The following CNTN5 variants were observed in gnomAD, a reference collection of about 807,000 sequenced individuals.
CNTN5 encodes the protein contactin 5, also known as contactin-5.
Under a neutral mutation model 129.1 loss-of-function variants are expected in CNTN5, and 77 were observed. The observed-to-expected ratio is 0.60, with a 90% CI of 0.50 to 0.72. The LOEUF (loss-of-function observed/expected upper bound fraction) is 0.72, where lower values mean the gene tolerates loss of function less well. Ranked by LOEUF, CNTN5 falls within the 30% of genes least tolerant of loss-of-function variation. The pLI is 0.00. For missense variants in CNTN5, 1,478 were observed against 1,328.8 expected (o/e 1.11, Z -1.75); for synonymous variants, 509 against 465.6 (o/e 1.09, Z -1.20).
chr11:100,157,119 T>G (rs2138339372), intron 13 of CNTN5, among the ~76,000 whole-genome samples: 1 of 152,090 alleles, frequency 6.6e-6, no homozygotes, highest in East Asian at 1.9e-4. Flanking sequence ...TGCTTTCTTT[T>G]TATCACTTTT....
chr11:99,628,029 G>A (rs7120757), intron 3 of CNTN5, among the ~76,000 whole-genome samples: 1 of 150,998 alleles, frequency 6.6e-6, no homozygotes, highest in South Asian at 2.1e-4. Flanking sequence ...ATGTTTGGTA[G>A]AATGAACCCC....
intron 2 of CNTN5, among the ~76,000 whole-genome samples, chr11:99,414,201 C>G (rs1454705592): frequency 6.6e-6 from 1 of 152,152 alleles, no homozygotes; most frequent in Non-Finnish European, 1.5e-5. Flanking sequence ...TCCAGCTGAA[C>G]AAACGCTGAG....
chr11:99,756,572 T>A (rs1944410899), intron 3 of CNTN5, among the ~76,000 whole-genome samples: 1 of 152,242 alleles, frequency 6.6e-6, no homozygotes, highest in South Asian at 2.1e-4. Flanking sequence ...GTTGTCTCAT[T>A]AAATACACAC....
intron 3 of CNTN5, among the ~76,000 whole-genome samples, chr11:99,781,229 T>C (rs1945299489): frequency 6.6e-6 from 1 of 152,094 alleles, no homozygotes; most frequent in South Asian, 2.1e-4. Context: ...CCTTTCATTG[T>C]TGCAGTCCCC....
At chr11:99,165,530 A>G (rs1050161333) in intron 1 of CNTN5, among the ~76,000 whole-genome samples, 1 of 152,148 alleles carries the variant, frequency 6.6e-6, no homozygotes, top group East Asian at 1.9e-4. Context: ...TTATTTTTAA[A>G]TGAACATTTA....
At chr11:99,578,019 C>A in intron 3 of CNTN5, among the ~76,000 whole-genome samples, 1 of 145,598 alleles carries the variant, frequency 6.9e-6, no homozygotes, top group Non-Finnish European at 1.5e-5. Flanking sequence ...TGATGTTCCC[C>A]TTCCAGTGTC....
chr11:100,145,437 T>C (rs1946821412), intron 13 of CNTN5, among the ~76,000 whole-genome samples: 1 of 152,112 alleles, frequency 6.6e-6, no homozygotes, highest in Non-Finnish European at 1.5e-5. Flanking sequence ...CGTTTAAATT[T>C]CTGATGAGTG....
intron 7 of CNTN5, among the ~76,000 whole-genome samples, chr11:99,951,929 T>A (rs943236511): frequency 3.3e-5 from 5 of 152,218 alleles, no homozygotes; most frequent in African/African-American, 1.2e-4. Flanking sequence ...CATTTCTATC[T>A]CAAATATGCA....
At chr11:99,947,581 AG>A (rs1950580585) in intron 7 of CNTN5, among the ~76,000 whole-genome samples, 1 of 152,138 alleles carries the variant, frequency 6.6e-6, no homozygotes, top group African/African-American at 2.4e-5. Context: ...GAATAAGTTG[AG>A]GGGCAGACAA....
chr11:99,548,591 C>T (rs1948377191), intron 2 of CNTN5, among the ~76,000 whole-genome samples: 1 of 152,184 alleles, frequency 6.6e-6, no homozygotes, highest in Admixed American at 6.5e-5. Context: ...TATCTAAGTG[C>T]TTGAATTAGG....
chr11:99,192,987 A>T (rs939349199), intron 1 of CNTN5, among the ~76,000 whole-genome samples: 10 of 152,088 alleles, frequency 6.6e-5, no homozygotes, highest in Admixed American at 4.6e-4. Flanking sequence ...AACACTTGAG[A>T]AAAACAAAGT....
chr11:99,668,953 C>T (rs1386880143), intron 3 of CNTN5, among the ~76,000 whole-genome samples: 1 of 152,058 alleles, frequency 6.6e-6, no homozygotes, highest in African/African-American at 2.4e-5. Context: ...TAAAATGCTC[C>T]AACTGGGGGG....
At chr11:99,368,382 C>T (rs1469799028) in intron 2 of CNTN5, among the ~76,000 whole-genome samples, 1 of 151,714 alleles carries the variant, frequency 6.6e-6, no homozygotes, top group African/African-American at 2.4e-5. Flanking sequence ...TGGTGCTCAC[C>T]TGTAATACCA....
At chr11:99,896,279 TACTC>T (rs1246261922) in intron 6 of CNTN5, among the ~76,000 whole-genome samples, 1 of 152,098 alleles carries the variant, frequency 6.6e-6, no homozygotes, top group Non-Finnish European at 1.5e-5. Flanking sequence ...ATAACACACT[TACTC>T]ATCCCCTGGC....
At chr11:99,532,272 G>C (rs1407706354) in intron 2 of CNTN5, among the ~76,000 whole-genome samples, 3 of 152,000 alleles carry the variant, frequency 2.0e-5, no homozygotes, top group Non-Finnish European at 4.4e-5. Context: ...CCTTTGTTTT[G>C]GCCAATTTCT....
At chr11:99,461,622 T>G (rs1170337434) in intron 2 of CNTN5, among the ~76,000 whole-genome samples, 1 of 152,198 alleles carries the variant, frequency 6.6e-6, no homozygotes, top group Non-Finnish European at 1.5e-5. Flanking sequence ...ATGTTCAATA[T>G]AGTAGTAAAT....
intron 2 of CNTN5, among the ~76,000 whole-genome samples, chr11:99,489,079 C>A (rs151169687): frequency 5.3e-5 from 8 of 152,070 alleles, no homozygotes; most frequent in African/African-American, 1.4e-4. Context: ...AAAATAAATA[C>A]CCTTGCTTTT....
chr11:100,114,375 G>A (rs891813142), intron 13 of CNTN5, among the ~76,000 whole-genome samples: 4 of 152,072 alleles, frequency 2.6e-5, no homozygotes, highest in African/African-American at 9.7e-5. Flanking sequence ...ATTCCAAAGT[G>A]TCAGTTTTAT....
chr11:99,763,425 T>C (rs1172012980), intron 3 of CNTN5, among the ~76,000 whole-genome samples: 2 of 152,182 alleles, frequency 1.3e-5, no homozygotes, highest in African/African-American at 4.8e-5. Context: ...TTTAGCAATT[T>C]ATCTTTTTAA....
Sources: allele counts gnomAD v4.1 joint callset (sites outside exome capture counted in the v4.1 genomes callset), GRCh38; gene constraint gnomAD v4.1.1; transcripts MANE v1.5; gene names NCBI Gene and HGNC (gene_info 2026-07-23, HGNC 2026-07-21).